IK: variants seen among roughly 807,000 people sequenced by gnomAD.
The protein encoded by IK is IK cytokine.
A neutral mutation model predicts 90.9 loss-of-function variants in IK; 47 were observed. That is an observed-to-expected ratio of 0.52 (90% CI 0.41 to 0.66). The LOEUF (loss-of-function observed/expected upper bound fraction) is 0.66. IK is among the 30% of genes least tolerant of loss of function. IK has a pLI of 0.00. For missense variants in IK, 385 were observed against 709.3 expected (o/e 0.54, Z 5.19); for synonymous variants, 201 against 227.5 (o/e 0.88, Z 1.05).
chr5:140,660,288 ACTTCTT>A, intron 15 of IK, 93 bp downstream of exon 15: 1 of 398,158 alleles, frequency 2.5e-6, no homozygotes, highest in Non-Finnish European at 4.1e-6. Flanking sequence ...TCCCAGGGCT[ACTTCTT>A]TTTTTTTTTT....
chr5:140,661,110 G>A lies in IK; in HGVS notation c.1413+295G>A. ...CATCAATGCATAAGTAGAAAGGGCAGAAAAAATTGCAGTCTTTGGAAAATA... is the reference window on the plus strand; with the variant it reads ...CATCAATGCATAAGTAGAAAGGGCAAAAAAAATTGCAGTCTTTGGAAAATA... On this transcript the variant is annotated intron_variant, in intron 16 of 19. Coordinates refer to ENST00000417647, the MANE Select transcript of IK (RefSeq NM_006083.4). The surrounding 1 kb of genome is among the most constrained non-coding windows in gnomAD (Gnocchi z 4.2). 2.7e-6 allele frequency: 1 copy of A among 367,454 alleles called. No individual in the cohort carries two copies. Among genetic ancestry groups the A allele is most frequent in the South Asian group, 9.7e-5 (1 of 10,358 alleles). 22.8% of individuals were successfully genotyped at this position (367,454 alleles called of 1,614,324 possible).
rs1757807731 is a variant in IK at position 140,661,977 on chromosome 5, G to A, written c.1581G>A (p.Glu527=). 9 of 1,610,650 alleles carry A rather than the reference G, an allele frequency of 5.6e-6. No homozygotes were observed. In the East Asian group the frequency reaches 1.8e-4, roughly 32 times the overall value. Residue 527 remains glutamate, a synonymous_variant, in exon 18 of 20, where the codon GAG becomes GAA. Coordinates refer to ENST00000417647, the MANE Select transcript of IK (RefSeq NM_006083.4). The surrounding 1 kb of genome is among the most constrained non-coding windows in gnomAD (Gnocchi z 4.2). ...TCAAGGAAACCAATGACAAAGCAGA[G>A]CTTGATCGCCAGTGGAAGAAGATTA... The part of the protein sequence containing the change: ...RRFKETNDKA[E]LDRQWKKISA...
At chr5:140,657,153 A>G (rs1757726650) in intron 9 of IK, among the ~76,000 whole-genome samples, 1 of 152,224 alleles carries the variant, frequency 6.6e-6, no homozygotes, top group Non-Finnish European at 1.5e-5. Context: ...CAGTGAGCCA[A>G]GATCGTGCCA....
chr5:140,652,386 C>T (rs1757628444), intron 4 of IK, among the ~76,000 whole-genome samples: 1 of 152,050 alleles, frequency 6.6e-6, no homozygotes, highest in Admixed American at 6.6e-5. Flanking sequence ...CCTCTCTAAT[C>T]CACAGATAGA....
chr5:140,653,580 G>GGC (rs1394210538), intron 5 of IK, among the ~76,000 whole-genome samples: 1 of 74,014 alleles, frequency 1.4e-5, no homozygotes, highest in East Asian at 3.1e-4. Context: ...ACCGCACCTG[G>GGC]CCCCCCAACC....
chr5:140,660,442 CAT>C, intron 15 of IK: 1 of 543,878 alleles, frequency 1.8e-6, no homozygotes, highest in Non-Finnish European at 3.3e-6. Context: ...GGATTATAGG[CAT>C]GCATCACCAC....
chr5:140,657,405 T>A (rs1173929391), intron 9 of IK, 149 bp from the exon 10 acceptor site: 1 of 567,326 alleles, frequency 1.8e-6, no homozygotes, highest in Non-Finnish European at 3.2e-6. Flanking sequence ...CAGGCTGTTT[T>A]ATCTCTGGAA....
chr5:140,659,988 C>A, intron 14 of IK, 127 bp from the exon 15 acceptor site: 1 of 933,298 alleles, frequency 1.1e-6, no homozygotes, highest in Non-Finnish European at 1.7e-6. Context: ...CTTCCCAGAG[C>A]ACCCATAACA....
At chr5:140,659,409 G>A (rs1196597672) in intron 13 of IK, 76 bp downstream of exon 13, 9 of 1,510,718 alleles carry the variant, frequency 6.0e-6, no homozygotes, top group Middle Eastern at 1.7e-4. Context: ...AGCTGGCAAC[G>A]GTGGGATTGG....
rs1757761418 is a variant in IK at position 140,659,181 on chromosome 5, T to C, written c.1176+17T>C. ...GATGATGAGGTGAGATGTGGGCCCT[T>C]AGTACCAGGTGATGGAGTTGCCCCT... On this transcript the variant is annotated intron_variant, in intron 12 of 19. Coordinates refer to ENST00000417647, the MANE Select transcript of IK (RefSeq NM_006083.4). The C allele has an allele frequency of 6.3e-7, 1 of 1,579,752 alleles. No homozygotes were observed. Among genetic ancestry groups the C allele is most frequent in the African/African-American group, 1.3e-5 (1 of 74,344 alleles).
intron 1 of IK, 131 bp from the exon 2 acceptor site, chr5:140,648,340 C>T (rs1757531805): frequency 1.2e-6 from 1 of 844,866 alleles, no homozygotes. Flanking sequence ...TATTTCAGCA[C>T]TTATTACATT....
rs1757795587 is a variant in IK, at chr5:140,661,038, T to C, written c.1413+223T>C. The C allele has an allele frequency of 2.2e-6, 1 of 463,926 alleles. No individual in the cohort carries two copies. Among genetic ancestry groups the C allele is most frequent in the African/African-American group, 2.0e-5 (1 of 50,144 alleles). 28.7% of individuals were successfully genotyped at this position (463,926 alleles called of 1,614,324 possible). On this transcript the variant is annotated intron_variant, in intron 16 of 19. Coordinates refer to ENST00000417647, the MANE Select transcript of IK (RefSeq NM_006083.4). This position sits in a 1 kb window ranked among gnomAD's most constrained non-coding sequence, Gnocchi z 4.2. ...GGTCAAAAATCTATTTTTTACTTCC[T>C]ATAGCAAAGTGCCAGGCTTTGATTC...
chr5:140,648,851 T>C, intron 2 of IK: 2 of 324,586 alleles, frequency 6.2e-6, no homozygotes, highest in South Asian at 6.0e-5. Flanking sequence ...TTTTTATTTT[T>C]TTTGAGACTG....
Position 140,658,933 on chromosome 5 carries a change from T to TC in IK, c.951-3dup. 1 of 1,613,780 alleles carries TC rather than the reference T, an allele frequency of 6.2e-7. No individual in the cohort carries two copies. The highest frequency in any genetic ancestry group is 8.5e-7 in the Non-Finnish European group (1 of 1,179,784). On this transcript the variant is annotated splice_region_variant and splice_polypyrimidine_tract_variant and intron_variant, in intron 11 of 19. Transcript: ENST00000417647. ...TTTGGCCAGCTAGTGATCTCCATTT[T>TC]CCCAGTATTTTTGAAGACATTGGGG...
intron 16 of IK, 139 bp downstream of exon 16, chr5:140,660,954 T>C: frequency 1.5e-6 from 1 of 645,832 alleles, no homozygotes; most frequent in Non-Finnish European, 2.8e-6. Context: ...AACAGCAGCA[T>C]TGAGGGTCAT....
At position 140,661,253 on chromosome 5, in the gene IK, A is replaced by C; in HGVS notation, c.1414-367A>C. The C allele has an allele frequency of 3.8e-6, 1 of 260,224 alleles. No homozygotes were observed. The highest frequency in any genetic ancestry group is 9.0e-5 in the East Asian group (1 of 11,102). The allele number at this position is 260,224 out of a possible 1,614,324, so 16.1% of individuals were successfully genotyped here. On this transcript the variant is annotated intron_variant, in intron 16 of 19. Coordinates refer to ENST00000417647, the MANE Select transcript of IK (RefSeq NM_006083.4). The surrounding 1 kb of genome is among the most constrained non-coding windows in gnomAD (Gnocchi z 4.2). ...AAGTCTGTGTTCTTCCCCTGAGTTC[A>C]CTGTATTGAAATAGCATGGTTTAAT...
chr5:140,656,100 T>G (rs945141519), intron 9 of IK, 108 bp downstream of exon 9: 1 of 971,378 alleles, frequency 1.0e-6, no homozygotes, highest in Non-Finnish European at 1.5e-6. Context: ...TGCTGTTCAC[T>G]TTTACCTCCT....
intron 14 of IK, 115 bp from the exon 15 acceptor site, chr5:140,660,000 C>T: frequency 1.0e-6 from 1 of 989,930 alleles, no homozygotes; most frequent in South Asian, 1.4e-5. Context: ...CCCATAACAG[C>T]TCACAGCCCA....
intron 10 of IK, among the ~76,000 whole-genome samples, chr5:140,658,030 C>T (rs1489607336): frequency 2.0e-5 from 3 of 152,176 alleles, no homozygotes; most frequent in Non-Finnish European, 2.9e-5. Context: ...GACGGAGTCT[C>T]GCTCTGTCAC....
Sources: gnomAD v4.1 joint callset for allele counts (sites outside exome capture counted in the v4.1 genomes callset) on GRCh38, gnomAD v4.1.1 for gene constraint, Gnocchi (gnomAD v3.1) non-coding constraint, MANE v1.5 for transcripts, NCBI Gene and HGNC (gene_info 2026-07-23, HGNC 2026-07-21) for gene names.